TAFA5: variants seen among roughly 807,000 people sequenced by gnomAD.
The protein encoded by TAFA5 is TAFA chemokine like family member 5.
Under a neutral mutation model 15.3 loss-of-function variants are expected in TAFA5, and 6 were observed. That is an observed-to-expected ratio of 0.39 (90% CI 0.21 to 0.77). The LOEUF (loss-of-function observed/expected upper bound fraction) is 0.77. Among genes scored for constraint, TAFA5 ranks in the 30% least tolerant of loss-of-function variants. TAFA5 has a pLI of 0.41. For missense variants in TAFA5, 161 were observed against 193.1 expected, an observed-to-expected ratio of 0.83 and a Z score of 0.98; for synonymous variants, 103 against 80.7, an observed-to-expected ratio of 1.28 and a Z score of -1.48.
intron 1 of TAFA5, among the ~76,000 whole-genome samples, chr22:48,591,101 C>T (rs1924551840): frequency 6.6e-6 from 1 of 152,248 alleles, no homozygotes; most frequent in African/African-American, 2.4e-5. Flanking sequence ...ATCCGCCCGC[C>T]TCGGCCTCCC....
At chr22:48,702,096 C>G (rs1928925877) in intron 2 of TAFA5, among the ~76,000 whole-genome samples, 1 of 150,962 alleles carries the variant, frequency 6.6e-6, no homozygotes, top group Non-Finnish European at 1.5e-5. Flanking sequence ...TGTGGTTAGT[C>G]TGCAAGAGGG....
chr22:48,565,026 A>C (rs944341720), intron 1 of TAFA5, among the ~76,000 whole-genome samples: 1 of 152,202 alleles, frequency 6.6e-6, no homozygotes, highest in Non-Finnish European at 1.5e-5. Context: ...TGTGCTCTGC[A>C]CTCTGCCTTC....
At chr22:48,648,991 G>A (rs762648229) in intron 2 of TAFA5, among the ~76,000 whole-genome samples, 1 of 152,196 alleles carries the variant, frequency 6.6e-6, no homozygotes, top group Non-Finnish European at 1.5e-5. Context: ...AGCTCCCTCT[G>A]GGTGTCTCAT....
chr22:48,576,424 G>T, intron 1 of TAFA5: 9 of 1,278,552 alleles, frequency 7.0e-6, no homozygotes, highest in Non-Finnish European at 8.0e-6. Context: ...GCGCTGATGC[G>T]GCGCCTGGAC....
chr22:48,655,870 C>T lies in TAFA5; in HGVS notation c.262+9124C>T, dbSNP rs540574431. Among the ~76,000 whole-genome samples the T allele has an allele frequency of 7.3e-5, 9 of 123,890 alleles. No individual in the cohort carries two copies. The East Asian group carries it at 1.7e-3, about 23-fold the overall frequency. 81.3% of individuals were successfully genotyped at this position (123,890 alleles called of 152,430 possible). A position where few individuals can be genotyped will look rare whatever the true frequency, so the allele number is the denominator to read the frequency against. ...TTTTTTTTTTTTTGAGACAGAGTCTCGCTCTGTTACCCAGGCTGGAGTGCA... is the reference window on the plus strand; with the variant it reads ...TTTTTTTTTTTTTGAGACAGAGTCTTGCTCTGTTACCCAGGCTGGAGTGCA... On this transcript the variant is annotated intron_variant, in intron 2 of 3. Coordinates refer to ENST00000402357, the MANE Select transcript of TAFA5 (RefSeq NM_001082967.3).
chr22:48,517,925 G>A (rs933257719), intron 1 of TAFA5, among the ~76,000 whole-genome samples: 5 of 152,344 alleles, frequency 3.3e-5, no homozygotes, highest in Middle Eastern at 3.4e-3. Context: ...GTGACGGTGC[G>A]GGGGCAGCCT....
At chr22:48,645,206 G>C (rs1005295178) in intron 1 of TAFA5, among the ~76,000 whole-genome samples, 1 of 152,224 alleles carries the variant, frequency 6.6e-6, no homozygotes, top group Non-Finnish European at 1.5e-5. Context: ...GCAGATTTGG[G>C]CAGCACTGGC....
intron 1 of TAFA5, among the ~76,000 whole-genome samples, chr22:48,590,075 G>A (rs1924508314): frequency 6.6e-6 from 1 of 152,140 alleles, no homozygotes; most frequent in African/African-American, 2.4e-5. Flanking sequence ...TGGGGCCTGG[G>A]TCTGATTCGG....
At chr22:48,631,132 C>T (rs533990227) in intron 1 of TAFA5, among the ~76,000 whole-genome samples, 55 of 152,306 alleles carry the variant, frequency 3.6e-4, no homozygotes, top group African/African-American at 1.1e-3. Flanking sequence ...CTCACCCACT[C>T]GGGACGGTCA....
chr22:48,635,885 C>G (rs1184026214), intron 1 of TAFA5, among the ~76,000 whole-genome samples: 1 of 152,226 alleles, frequency 6.6e-6, no homozygotes, highest in Admixed American at 6.5e-5. Flanking sequence ...TTTGTAGTGT[C>G]ATCTTCTCCA....
intron 1 of TAFA5, among the ~76,000 whole-genome samples, chr22:48,589,606 G>A (rs1329849008): frequency 2.0e-5 from 3 of 152,236 alleles, no homozygotes; most frequent in Non-Finnish European, 4.4e-5. Context: ...CTTTGCAGAT[G>A]TAGTTAAGGT....
At chr22:48,597,382 C>T (rs1924805104) in intron 1 of TAFA5, among the ~76,000 whole-genome samples, 1 of 150,064 alleles carries the variant, frequency 6.7e-6, no homozygotes, top group South Asian at 2.1e-4. Flanking sequence ...TGGCCCGCAT[C>T]ACCTGGGCCT....
At chr22:48,575,708 G>T (rs1923751603) in intron 1 of TAFA5, among the ~76,000 whole-genome samples, 1 of 145,848 alleles carries the variant, frequency 6.9e-6, no homozygotes, top group Non-Finnish European at 1.5e-5. Context: ...GGGCTGCTGG[G>T]AGCGCAGAGG....
At chr22:48,690,458 C>T (rs1238077032) in intron 2 of TAFA5, among the ~76,000 whole-genome samples, 3 of 152,102 alleles carry the variant, frequency 2.0e-5, no homozygotes, top group African/African-American at 7.2e-5. Context: ...CTACTGGCCT[C>T]TCCAGCCCCT....
intron 1 of TAFA5, among the ~76,000 whole-genome samples, chr22:48,593,698 G>A (rs1163730505): frequency 1.3e-5 from 2 of 152,178 alleles, no homozygotes; most frequent in Non-Finnish European, 2.9e-5. Flanking sequence ...TCTGGGAGCC[G>A]TCGCAGCCCA....
intron 3 of TAFA5, among the ~76,000 whole-genome samples, chr22:48,736,118 A>G (rs1199110077): frequency 1.5e-4 from 10 of 66,692 alleles, no homozygotes; most frequent in African/African-American, 8.9e-4. Context: ...GCACTCCTAG[A>G]GTCCATCCCC....
intron 3 of TAFA5, among the ~76,000 whole-genome samples, chr22:48,721,249 C>T (rs1444317339): frequency 6.6e-6 from 1 of 152,248 alleles, no homozygotes; most frequent in Non-Finnish European, 1.5e-5. Flanking sequence ...ACCTCCCTGG[C>T]CATTCTAGAG....
chr22:48,749,110 G>A (rs190161004), intron 3 of TAFA5, among the ~76,000 whole-genome samples: 1 of 152,194 alleles, frequency 6.6e-6, no homozygotes. Context: ...TGTGAGGATG[G>A]AGGCAGAGAT....
At chr22:48,715,830 G>A (rs926338037) in intron 3 of TAFA5, among the ~76,000 whole-genome samples, 4 of 152,264 alleles carry the variant, frequency 2.6e-5, no homozygotes, top group African/African-American at 9.6e-5. Context: ...TGGCCTGGCA[G>A]TAGACAAGTG....
Sources: allele counts gnomAD v4.1 joint callset (sites outside exome capture counted in the v4.1 genomes callset), GRCh38; gene constraint gnomAD v4.1.1; transcripts MANE v1.5; gene names NCBI Gene and HGNC (gene_info 2026-07-23, HGNC 2026-07-21).